The following MARCHF1 variants were observed in gnomAD, a reference collection of about 807,000 sequenced individuals.
MARCHF1 encodes membrane associated ring-CH-type finger 1.
In MARCHF1, 40 loss-of-function variants were observed where a neutral mutation model predicts 54.2. The observed-to-expected ratio is 0.74, with a 90% CI of 0.57 to 0.96. MARCHF1 has a LOEUF of 0.96. MARCHF1 is among the 40% of genes least tolerant of loss of function. MARCHF1 has a pLI of 0.00. For synonymous variants in MARCHF1, 236 were observed against 236.3 expected (o/e 1.00, Z 0.01); for missense variants, 586 against 656.5 (o/e 0.89, Z 1.17).
intron 2 of MARCHF1, among the ~76,000 whole-genome samples, chr4:164,037,005 G>A (rs76044210): frequency 0.015 from 2,207 of 152,194 alleles, 49 homozygotes; most frequent in African/African-American, 0.047. Flanking sequence ...ACAGACAACA[G>A]GATTTCATGA....
intron 2 of MARCHF1, among the ~76,000 whole-genome samples, chr4:164,003,080 A>T (rs1179493391): frequency 1.3e-5 from 2 of 151,882 alleles, no homozygotes; most frequent in Non-Finnish European, 2.9e-5. Context: ...ATCCCAATGT[A>T]AGGGTCTTAG....
chr4:163,609,927 CTTATT>C (rs950597030), intron 7 of MARCHF1, among the ~76,000 whole-genome samples: 6 of 151,856 alleles, frequency 4.0e-5, no homozygotes, highest in East Asian at 1.9e-4. Context: ...TTCAAAATGT[CTTATT>C]TTAAAGAGTT....
intron 4 of MARCHF1, among the ~76,000 whole-genome samples, chr4:163,752,140 A>T (rs1446533133): frequency 1.3e-5 from 2 of 152,210 alleles, no homozygotes; most frequent in Non-Finnish European, 2.9e-5. Context: ...TTTAGAAAAA[A>T]ATTCAGCATT....
chr4:163,987,009 T>C (rs759167656), intron 3 of MARCHF1, among the ~76,000 whole-genome samples: 5 of 152,216 alleles, frequency 3.3e-5, no homozygotes, highest in Non-Finnish European at 7.3e-5. Flanking sequence ...ATCCAGAAAT[T>C]TATACTGTGA....
chr4:164,027,105 A>G (rs1384089207), intron 2 of MARCHF1, among the ~76,000 whole-genome samples: 1 of 152,116 alleles, frequency 6.6e-6, no homozygotes, highest in Non-Finnish European at 1.5e-5. Context: ...ATAGGAAAAC[A>G]TTCCATGCTC....
At chr4:164,015,333 A>C (rs1375032125) in intron 2 of MARCHF1, among the ~76,000 whole-genome samples, 1 of 152,142 alleles carries the variant, frequency 6.6e-6, no homozygotes, top group Non-Finnish European at 1.5e-5. Context: ...ACAACTAAAA[A>C]TTGTAACTAT....
Position 163,787,889 on chromosome 4 carries a change from C to A in MARCHF1, c.111+66132G>T, listed in dbSNP as rs370277991. Reference sequence around the variant, plus strand: ...CATATACATGCAATGGGATATTATACAACCTTAAGAAAGAAGAAAAACCTG... The same window carrying A: ...CATATACATGCAATGGGATATTATAAAACCTTAAGAAAGAAGAAAAACCTG... On this transcript the variant is annotated intron_variant, in intron 4 of 9. Coordinates refer to ENST00000514618, the MANE Select transcript of MARCHF1 (RefSeq NM_001394959.1). 2.0e-5 allele frequency among the ~76,000 whole-genome samples: 3 copies of A among 151,884 alleles called. No individual in the cohort carries two copies. The East Asian group carries it at 5.8e-4, about 29-fold the overall frequency.
At chr4:163,972,290 A>T (rs1280939456) in intron 3 of MARCHF1, among the ~76,000 whole-genome samples, 1 of 152,194 alleles carries the variant, frequency 6.6e-6, no homozygotes, top group African/African-American at 2.4e-5. Flanking sequence ...TGGAACATTT[A>T]TACCTATGTA....
chr4:163,629,768 A>G (rs966853675), intron 5 of MARCHF1, among the ~76,000 whole-genome samples: 1 of 152,212 alleles, frequency 6.6e-6, no homozygotes, highest in African/African-American at 2.4e-5. Context: ...CCACCGTGGC[A>G]CGTGTATAGC....
chr4:163,810,756 T>C (rs1748361802), intron 4 of MARCHF1, among the ~76,000 whole-genome samples: 1 of 151,886 alleles, frequency 6.6e-6, no homozygotes, highest in African/African-American at 2.4e-5. Context: ...CTTTAATACT[T>C]TCTGCTAGTT....
intron 4 of MARCHF1, among the ~76,000 whole-genome samples, chr4:163,840,779 A>AC (rs1749314646): frequency 2.6e-5 from 4 of 152,116 alleles, no homozygotes; most frequent in African/African-American, 7.2e-5. Flanking sequence ...CTCACCCCTG[A>AC]CCCCCAACAC....
At chr4:164,048,686 C>T (rs1445082079) in intron 2 of MARCHF1, among the ~76,000 whole-genome samples, 2 of 152,038 alleles carry the variant, frequency 1.3e-5, no homozygotes, top group African/African-American at 4.8e-5. Flanking sequence ...TTTGTGGCAA[C>T]GTTTCCTTGG....
intron 2 of MARCHF1, among the ~76,000 whole-genome samples, chr4:164,099,241 T>A (rs201005309): frequency 1.3e-5 from 2 of 152,196 alleles, no homozygotes; most frequent in Admixed American, 1.3e-4. Flanking sequence ...TTTCAGCAGA[T>A]TGATATTTAT....
chr4:163,753,469 C>A (rs1360324154), intron 4 of MARCHF1, among the ~76,000 whole-genome samples: 1 of 151,988 alleles, frequency 6.6e-6, no homozygotes, highest in Non-Finnish European at 1.5e-5. Flanking sequence ...TTAATCACCA[C>A]AGCTCCATTG....
At chr4:164,109,384 A>G (rs1553982971) in intron 2 of MARCHF1, among the ~76,000 whole-genome samples, 1 of 151,980 alleles carries the variant, frequency 6.6e-6, no homozygotes, top group Non-Finnish European at 1.5e-5. Context: ...AATCTACACT[A>G]ATAACAGTCC....
chr4:163,740,830 G>A (rs1453189931), intron 4 of MARCHF1, among the ~76,000 whole-genome samples: 3 of 152,086 alleles, frequency 2.0e-5, no homozygotes, highest in Non-Finnish European at 2.9e-5. Flanking sequence ...AGAAACTCTA[G>A]AGCTCATAGT....
intron 3 of MARCHF1, among the ~76,000 whole-genome samples, chr4:163,891,111 C>T (rs997494008): frequency 2.6e-5 from 4 of 151,878 alleles, no homozygotes; most frequent in African/African-American, 9.7e-5. Flanking sequence ...AGGAAAGGTC[C>T]CCAAATCTTG....
intron 1 of MARCHF1, among the ~76,000 whole-genome samples, chr4:164,327,766 G>T (rs552592823): frequency 4.9e-4 from 75 of 152,296 alleles, no homozygotes; most frequent in African/African-American, 1.8e-3. Context: ...TTCTAATTTC[G>T]TGTAGGAATT....
chr4:163,605,318 C>A (rs1476999135), intron 7 of MARCHF1, among the ~76,000 whole-genome samples: 1 of 152,156 alleles, frequency 6.6e-6, no homozygotes, highest in Admixed American at 6.5e-5. Context: ...CTCATAATCA[C>A]TGGTCATTAG....
Sources: gnomAD v4.1 joint callset for allele counts (sites outside exome capture counted in the v4.1 genomes callset) on GRCh38, gnomAD v4.1.1 for gene constraint, MANE v1.5 for transcripts, NCBI Gene and HGNC (gene_info 2026-07-23, HGNC 2026-07-21) for gene names.